The following COL5A2 variants were observed in gnomAD, a reference collection of about 807,000 sequenced individuals.
COL5A2 encodes the protein collagen alpha-2(V) chain.
In COL5A2, 23 loss-of-function variants were observed where a neutral mutation model predicts 208.2. The observed-to-expected ratio is 0.11, with a 90% confidence interval of 0.08 to 0.16. The LOEUF (loss-of-function observed/expected upper bound fraction) is 0.16. Ranked by LOEUF, COL5A2 falls within the 10% of genes least tolerant of loss-of-function variation. The pLI is 1.00. For synonymous variants in COL5A2, 625 were observed against 628.5 expected (o/e 0.99, Z 0.08); for missense variants, 1,590 against 1,956.4 (o/e 0.81, Z 3.53).
intron 1 of COL5A2, among the ~76,000 whole-genome samples, chr2:189,170,645 A>G (rs1298391204): frequency 9.9e-5 from 15 of 152,146 alleles, no homozygotes; most frequent in Admixed American, 9.8e-4. Context: ...TGCAATCAGT[A>G]GTGTTAAGGA....
chr2:189,077,820 T>C (rs1383139706), intron 16 of COL5A2, among the ~76,000 whole-genome samples: 1 of 152,066 alleles, frequency 6.6e-6, no homozygotes, highest in South Asian at 2.1e-4. Flanking sequence ...CTAATAGTAA[T>C]GGGGATGATC....
At chr2:189,074,917 TG>T (rs1429281498) in intron 17 of COL5A2, among the ~76,000 whole-genome samples, 1 of 152,206 alleles carries the variant, frequency 6.6e-6, no homozygotes, top group African/African-American at 2.4e-5. Flanking sequence ...CTGGTCATAA[TG>T]TTCTTATGTT....
chr2:189,072,808 GT>G (rs993378626), intron 17 of COL5A2, among the ~76,000 whole-genome samples: 2 of 149,296 alleles, frequency 1.3e-5, no homozygotes, highest in African/African-American at 4.9e-5. Flanking sequence ...TTTTAGAGAG[GT>G]TTTTCAGGCA....
chr2:189,190,912 C>A (rs1373080789), intron 1 of COL5A2, among the ~76,000 whole-genome samples: 1 of 152,038 alleles, frequency 6.6e-6, no homozygotes, highest in Admixed American at 6.6e-5. Flanking sequence ...CAAAGGCTTA[C>A]GTGGTTTGGT....
At chr2:189,130,174 A>G (rs1687683825) in intron 1 of COL5A2, among the ~76,000 whole-genome samples, 1 of 151,996 alleles carries the variant, frequency 6.6e-6, no homozygotes, top group African/African-American at 2.4e-5. Context: ...TTCACATGAG[A>G]ATTTTCCTTC....
At position 189,097,308 on chromosome 2, in the gene COL5A2, G is replaced by T; in HGVS notation, c.425C>A (p.Pro142Gln). Residue 142 changes from proline to glutamine, a missense_variant, in exon 6 of 54, where the codon CCA becomes CAA. Pro to Gln is a moderately conservative substitution (Grantham distance 76). Transcript: ENST00000374866. ...TCCTTTTGGCCCTCGCTCTCCTCTT[G>T]GTCCCTGTGATCCTGGAGGTCCCTA... Reference protein sequence around the residue: ...GPAGPPGSQGPRGERGPKGRP... With the variant: ...GPAGPPGSQGQRGERGPKGRP... 1 of 1,613,992 alleles carries T rather than the reference G, an allele frequency of 6.2e-7. No homozygotes were observed. Among genetic ancestry groups the T allele is most frequent in the Non-Finnish European group, 8.5e-7 (1 of 1,180,006 alleles).
At chr2:189,098,902 T>G in intron 4 of COL5A2, 143 bp from the exon 5 acceptor site, 1 of 654,552 alleles carries the variant, frequency 1.5e-6, no homozygotes, top group South Asian at 1.6e-5. Flanking sequence ...CATTTCCTCC[T>G]CTCCTTAAGA....
intron 1 of COL5A2, among the ~76,000 whole-genome samples, chr2:189,145,931 G>C (rs1203001371): frequency 6.6e-6 from 1 of 152,010 alleles, no homozygotes; most frequent in Non-Finnish European, 1.5e-5. Context: ...ACATGAGTGA[G>C]GTAATGACTC....
chr2:189,039,696 T>G (rs1276188087), intron 50 of COL5A2, 133 bp from the exon 51 acceptor site: 1 of 797,482 alleles, frequency 1.3e-6, no homozygotes, highest in Non-Finnish European at 2.0e-6. Flanking sequence ...ACTCGCGCCC[T>G]TTTGTAACTA....
chr2:189,054,757 C>G (rs1278622869), intron 35 of COL5A2, among the ~76,000 whole-genome samples: 1 of 147,924 alleles, frequency 6.8e-6, no homozygotes, highest in Non-Finnish European at 1.5e-5. Flanking sequence ...AGTGCAGTAG[C>G]CATTCACAGA....
At chr2:189,304,134 G>C in the COL5A2 span, among the ~76,000 whole-genome samples, 1 of 151,942 alleles carries the variant, frequency 6.6e-6, no homozygotes, top group African/African-American at 2.4e-5. Context: ...AATTAAGTTT[G>C]CTGTTATATA....
the COL5A2 span, among the ~76,000 whole-genome samples, chr2:189,249,601 T>C: frequency 6.6e-6 from 1 of 152,238 alleles, no homozygotes; most frequent in African/African-American, 2.4e-5. Flanking sequence ...TGCTTAATTA[T>C]TTAATTAAAG....
chr2:189,314,392 T>C, the COL5A2 span, among the ~76,000 whole-genome samples: 5 of 152,108 alleles, frequency 3.3e-5, no homozygotes, highest in Admixed American at 1.3e-4. Context: ...TTGAAACTAA[T>C]GAAAACAAAG....
the COL5A2 span, among the ~76,000 whole-genome samples, chr2:189,327,378 G>A: frequency 6.6e-6 from 1 of 152,034 alleles, no homozygotes; most frequent in Non-Finnish European, 1.5e-5. Flanking sequence ...ATGGGAATAG[G>A]AAAGAAGGAG....
intron 3 of COL5A2, among the ~76,000 whole-genome samples, chr2:189,100,904 T>A (rs2105691954): frequency 6.6e-6 from 1 of 152,156 alleles, no homozygotes; most frequent in Non-Finnish European, 1.5e-5. Context: ...AGAAATGGAA[T>A]CCTCATTGCA....
At chr2:189,179,487 C>A (rs1484030298) in intron 1 of COL5A2, 21 bp downstream of exon 1, 1 of 1,607,850 alleles carries the variant, frequency 6.2e-7, no homozygotes, top group East Asian at 2.2e-5. Flanking sequence ...ACACTACAAG[C>A]AAAGCAAATG....
At chr2:189,034,348 A>G in intron 53 of COL5A2, 132 bp from the exon 54 acceptor site, 3 of 950,388 alleles carry the variant, frequency 3.2e-6, no homozygotes, top group Non-Finnish European at 4.8e-6. Flanking sequence ...AAAAGGAATG[A>G]AAACATAAAG....
chr2:189,157,527 A>G (rs933130601), intron 1 of COL5A2, among the ~76,000 whole-genome samples: 1 of 152,078 alleles, frequency 6.6e-6, no homozygotes, highest in African/African-American at 2.4e-5. Flanking sequence ...AGAGAAGGTG[A>G]TATTTCACTA....
intron 1 of COL5A2, among the ~76,000 whole-genome samples, chr2:189,168,059 TCCCG>T (rs1348745979): frequency 1.3e-5 from 2 of 151,388 alleles, no homozygotes; most frequent in African/African-American, 4.8e-5. Flanking sequence ...TGCCTCAGCC[TCCCG>T]AGTAGCTGGG....
Sources: allele counts gnomAD v4.1 joint callset (sites outside exome capture counted in the v4.1 genomes callset), GRCh38; gene constraint gnomAD v4.1.1; transcripts MANE v1.5; gene names NCBI Gene and HGNC (gene_info 2026-07-23, HGNC 2026-07-21).